The following FSIP2 variants were observed in gnomAD, a reference collection of about 807,000 sequenced individuals.
The protein encoded by FSIP2 is fibrous sheath interacting protein 2.
Under a neutral mutation model 510.5 loss-of-function variants are expected in FSIP2, and 367 were observed. The ratio of observed to expected loss-of-function variants is 0.72; its 90% CI spans 0.66 to 0.78. FSIP2 has a LOEUF of 0.78. Ranked by LOEUF, FSIP2 falls within the 30% of genes least tolerant of loss-of-function variation. FSIP2 has a pLI of 0.00. For missense variants in FSIP2, 7,594 were observed against 7,901.7 expected (o/e 0.96, Z 1.48); for synonymous variants, 2,601 against 2,732.2 (o/e 0.95, Z 1.50).
chr2:185,757,865 T>C (rs906780018), intron 9 of FSIP2, among the ~76,000 whole-genome samples: 3 of 151,252 alleles, frequency 2.0e-5, no homozygotes, highest in African/African-American at 7.3e-5. Flanking sequence ...ATGTATAGAT[T>C]TGTGTAACCA....
chr2:185,805,761 T>A lies in FSIP2; in HGVS notation c.16455T>A (p.Gly5485=), dbSNP rs1693553949. Residue 5485 remains glycine (G), a synonymous_variant, in exon 17 of 23, where the codon GGT becomes GGA. Coordinates refer to ENST00000424728, the MANE Select transcript of FSIP2 (RefSeq NM_173651.4). ...FKTKDTSVKK[G]DIQNPVLSSI... is the part of the protein sequence containing the mutation. The stretch of plus-strand genomic sequence containing the variant: ...CCAAGGACACATCAGTGAAAAAAGG[T>A]GACATCCAAAATCCAGTACTTAGCT... The A allele has an allele frequency of 4.4e-6, 7 of 1,600,352 alleles. No individual in the cohort carries two copies. In the Admixed American group the frequency reaches 7.1e-5, roughly 16 times the overall value.
Position 185,793,700 on chromosome 2 carries a change from AT to A in FSIP2, c.6568del (p.Cys2190ValfsTer7). ...NPTSARLPLT[F>X]CDTFPKIDCQ... ...CTACTTCTGCAAGATTGCCCCTGAC[AT>A]TTTGTGATACGTTTCCAAAAATAGA... On this transcript the variant is annotated frameshift_variant, in exon 16 of 23. Coordinates refer to ENST00000424728, the MANE Select transcript of FSIP2 (RefSeq NM_173651.4). LOFTEE classifies it high-confidence loss of function. The A allele has an allele frequency of 6.5e-7, 1 of 1,534,766 alleles. No homozygotes were observed. Among genetic ancestry groups the A allele is most frequent in the Non-Finnish European group, 8.7e-7 (1 of 1,145,854 alleles).
chr2:185,806,574 A>C lies in FSIP2; in HGVS notation c.17268A>C (p.Lys5756Asn). Residue 5756 changes from lysine to asparagine, a missense_variant, in exon 17 of 23, where the codon AAA becomes AAC. Transcript: ENST00000424728. ...EKEEEEREKE[K>N]VREEIKSEPS... The stretch of plus-strand genomic sequence containing the variant: ...AAGAGGAAGAGAGAGAAAAAGAGAA[A>C]GTAAGAGAGGAGATTAAAAGTGAAC... 5.0e-6 allele frequency: 8 copies of C among 1,605,712 alleles called. No homozygotes were observed. The highest frequency in any genetic ancestry group is 6.8e-6 in the Non-Finnish European group (8 of 1,177,434).
At chr2:185,778,687 T>C (rs1363656012) in intron 13 of FSIP2, among the ~76,000 whole-genome samples, 1 of 152,028 alleles carries the variant, frequency 6.6e-6, no homozygotes, top group Non-Finnish European at 1.5e-5. Context: ...TAATAGTTTC[T>C]GTGTGGTTGA....
intron 7 of FSIP2, among the ~76,000 whole-genome samples, chr2:185,751,631 TTTTA>T (rs1321019372): frequency 6.6e-6 from 1 of 151,408 alleles, no homozygotes; most frequent in Non-Finnish European, 1.5e-5. Flanking sequence ...CTCATTATTT[TTTTA>T]TTTGTCTCAT....
chr2:185,788,848 A>G lies in FSIP2; in HGVS notation c.1712A>G (p.Tyr571Cys). The G allele has an allele frequency of 6.5e-7, 1 of 1,534,764 alleles. No homozygotes were observed. Among genetic ancestry groups the G allele is most frequent in the South Asian group, 1.2e-5 (1 of 84,022 alleles). The change falls in exon 16 of 23, where the codon TAC (tyrosine) becomes TGC (cysteine). Residue 571 changes from tyrosine (Y) to cysteine (C), a missense_variant. By Grantham distance (194) the Tyr-to-Cys change is radical. Coordinates refer to ENST00000424728, the MANE Select transcript of FSIP2 (RefSeq NM_173651.4). ...AGTGAAGACTTTACATATAGAAGCT[A>G]CACATCTGCAACAACTAAAACATTT... ...TCSEDFTYRS[Y>C]TSATTKTFQA... is the part of the protein sequence containing the mutation.
At chr2:185,742,970 A>C (rs1270736686) in intron 2 of FSIP2, among the ~76,000 whole-genome samples, 163 bp from the exon 3 acceptor site, 1 of 152,186 alleles carries the variant, frequency 6.6e-6, no homozygotes, top group Admixed American at 6.5e-5. Flanking sequence ...AGAGGAAAGG[A>C]AAGGCAGGAA....
At chr2:185,820,931 A>G (rs957139946) in intron 19 of FSIP2, among the ~76,000 whole-genome samples, 7 of 150,952 alleles carry the variant, frequency 4.6e-5, no homozygotes, top group African/African-American at 1.7e-4. Context: ...AGTAGAAGGA[A>G]ATAATAAAGA....
At position 185,801,168 on chromosome 2, in the gene FSIP2, G is replaced by C; in HGVS notation, c.11862G>C (p.Lys3954Asn). ...FERQRTKEMDKVAIHNKLHQE... is the reference protein window; with the variant it reads ...FERQRTKEMDNVAIHNKLHQE... ...GACAGAGAACAAAGGAAATGGATAA[G>C]GTAGCCATTCATAATAAGCTACATC... is the stretch of plus-strand genomic sequence containing the variant. The change falls in exon 17 of 23, where the codon AAG becomes AAC. Residue 3954 changes from lysine (K) to asparagine (N), a missense_variant. Lys to Asn is a moderately conservative substitution (Grantham distance 94). Coordinates refer to ENST00000424728, the MANE Select transcript of FSIP2 (RefSeq NM_173651.4). 2.6e-6 allele frequency: 4 copies of C among 1,533,502 alleles called. No individual in the cohort carries two copies. Among genetic ancestry groups the C allele is most frequent in the Non-Finnish European group, 3.5e-6 (4 of 1,145,070 alleles). The allele number at this position is 1,533,502 out of a possible 1,614,324, so 95.0% of individuals were successfully genotyped here. A position where few individuals can be genotyped will look rare whatever the true frequency, so the allele number is the denominator to read the frequency against.
intron 7 of FSIP2, among the ~76,000 whole-genome samples, chr2:185,751,517 T>C (rs2105541413): frequency 6.8e-6 from 1 of 148,064 alleles, no homozygotes; most frequent in African/African-American, 2.5e-5. Flanking sequence ...CTCATATAGA[T>C]GGGCTTTGGT....
intron 19 of FSIP2, among the ~76,000 whole-genome samples, chr2:185,819,280 T>C (rs1316984722): frequency 6.6e-6 from 1 of 151,710 alleles, no homozygotes; most frequent in Non-Finnish European, 1.5e-5. Flanking sequence ...ATGGAAGAAA[T>C]GAAGGACAAA....
chr2:185,751,947 T>C (rs1454591517), intron 7 of FSIP2, among the ~76,000 whole-genome samples: 1 of 144,756 alleles, frequency 6.9e-6, no homozygotes, highest in African/African-American at 2.5e-5. Context: ...ATTGCTAAGT[T>C]TGTCTAAACT....
In FSIP2 at chr2:185,795,240, C is replaced by G. The variant is rs891523446; in HGVS notation, c.8104C>G (p.Leu2702Val). Reference sequence around the variant, plus strand: ...CAAGTTAGGTCCTGGAGAGAAGACCCTAAAAGACAGCAGATCCAAGACTGC... The same window carrying G: ...CAAGTTAGGTCCTGGAGAGAAGACCGTAAAAGACAGCAGATCCAAGACTGC... ...KTKLGPGEKT[L>V]KDSRSKTAIG... The change falls in exon 16 of 23, where the codon CTA (leucine) becomes GTA (valine). Residue 2702 changes from leucine (L) to valine (V), a missense_variant. Coordinates refer to ENST00000424728, the MANE Select transcript of FSIP2 (RefSeq NM_173651.4). 3.3e-6 allele frequency: 5 copies of G among 1,534,932 alleles called. No homozygotes were observed. The highest frequency in any genetic ancestry group is 4.4e-6 in the Non-Finnish European group (5 of 1,146,280).
At chr2:185,820,673 G>C (rs2105678096) in intron 19 of FSIP2, among the ~76,000 whole-genome samples, 1 of 151,260 alleles carries the variant, frequency 6.6e-6, no homozygotes, top group African/African-American at 2.4e-5. Flanking sequence ...GAAATCAATA[G>C]CAGAAGGAAA....
intron 19 of FSIP2, among the ~76,000 whole-genome samples, chr2:185,824,142 G>T (rs1693972864): frequency 6.6e-6 from 1 of 151,788 alleles, no homozygotes; most frequent in Admixed American, 6.6e-5. Context: ...GATGAAAAAA[G>T]TTCTGGAGCT....
chr2:185,763,575 G>T (rs1692398256), intron 12 of FSIP2, among the ~76,000 whole-genome samples: 1 of 151,478 alleles, frequency 6.6e-6, no homozygotes, highest in Non-Finnish European at 1.5e-5. Context: ...TTTGACCAGT[G>T]ATCAGTTACC....
intron 20 of FSIP2, among the ~76,000 whole-genome samples, chr2:185,826,482 G>A (rs1280861631): frequency 6.6e-6 from 1 of 151,684 alleles, no homozygotes; most frequent in Non-Finnish European, 1.5e-5. Flanking sequence ...CTTACTTTCA[G>A]ATCTTGGCTC....
chr2:185,771,414 A>G (rs532719670), intron 13 of FSIP2, among the ~76,000 whole-genome samples: 1 of 152,294 alleles, frequency 6.6e-6, no homozygotes, highest in East Asian at 1.9e-4. Flanking sequence ...GGCCTCCTTC[A>G]CTTTTGCATT....
At position 185,803,859 on chromosome 2, in the gene FSIP2, A is replaced by C; in HGVS notation, c.14553A>C (p.Lys4851Asn). The C allele has an allele frequency of 1.3e-6, 2 of 1,515,116 alleles. No homozygotes were observed. Among genetic ancestry groups the C allele is most frequent in the Non-Finnish European group, 1.8e-6 (2 of 1,135,996 alleles). 93.9% of individuals were successfully genotyped at this position (1,515,116 alleles called of 1,614,324 possible). Residue 4851 changes from lysine to asparagine, a missense_variant, in exon 17 of 23, where the codon AAA (lysine) becomes AAC (asparagine). By Grantham distance (94) the Lys-to-Asn change is moderately conservative (BLOSUM62 0). Coordinates refer to ENST00000424728, the MANE Select transcript of FSIP2 (RefSeq NM_173651.4). ...GTATTATTAAATATGGGAATAAAAAACAGAGTATGATTTCAGCAAAAGATA... is the reference window on the plus strand; with the variant it reads ...GTATTATTAAATATGGGAATAAAAACCAGAGTATGATTTCAGCAAAAGATA... ...EICIIKYGNK[K>N]QSMISAKDIQ...
Sources: gnomAD v4.1 joint callset for allele counts (sites outside exome capture counted in the v4.1 genomes callset) on GRCh38, gnomAD v4.1.1 for gene constraint, MANE v1.5 for transcripts, NCBI Gene and HGNC (gene_info 2026-07-23, HGNC 2026-07-21) for gene names.